The following CD247 variants were observed in gnomAD, a reference collection of about 807,000 sequenced individuals.
CD247 encodes the protein T-cell surface glycoprotein CD3 zeta chain.
CD247 carries 13 observed loss-of-function variants against 30.0 expected under a neutral mutation model. The ratio of observed to expected loss-of-function variants is 0.43; its 90% CI spans 0.28 to 0.69. The LOEUF is 0.69. Ranked by LOEUF, CD247 falls within the 30% of genes least tolerant of loss-of-function variation. The pLI, the probability that CD247 is intolerant of heterozygous loss-of-function variation, is 0.16. For synonymous variants in CD247, 72 were observed against 80.0 expected (o/e 0.90, Z 0.53); for missense variants, 193 against 212.6 (o/e 0.91, Z 0.57).
At chr1:167,466,406 A>G (rs1457702736) in intron 1 of CD247, among the ~76,000 whole-genome samples, 1 of 150,424 alleles carries the variant, frequency 6.6e-6, no homozygotes, top group African/African-American at 2.5e-5. Context: ...ACTGTACCAC[A>G]TTCGTCTTTT....
chr1:167,471,902 G>A (rs780950350), intron 1 of CD247, among the ~76,000 whole-genome samples: 69 of 139,354 alleles, frequency 5.0e-4, no homozygotes, highest in Non-Finnish European at 6.8e-4. Flanking sequence ...GTGCGATCTC[G>A]GCTCACTGCA....
intron 1 of CD247, among the ~76,000 whole-genome samples, chr1:167,495,568 C>G (rs745623959): frequency 5.9e-5 from 9 of 152,232 alleles, no homozygotes; most frequent in Non-Finnish European, 1.2e-4. Context: ...AATGATCCTG[C>G]CAAAACATAT....
rs1651505457 is a variant in CD247 at position 167,435,523 on chromosome 1, G to C, written c.301-89C>G. On this transcript the variant is annotated intron_variant, in intron 4 of 7. Coordinates refer to ENST00000362089, the MANE Select transcript of CD247 (RefSeq NM_198053.3). ...GCAAACCCCATCCTGCCCCCTGACT[G>C]CAGTTTCCTGGGGCTCTGCCGTCTG... is the stretch of plus-strand genomic sequence containing the variant. 4.7e-6 allele frequency: 5 copies of C among 1,059,386 alleles called. No individual in the cohort carries two copies. In the South Asian group the frequency reaches 6.4e-5, roughly 13 times the overall value. The allele number at this position is 1,059,386 out of a possible 1,614,324, so 65.6% of individuals were successfully genotyped here.
chr1:167,433,165 A>G, intron 6 of CD247, 106 bp from the exon 7 acceptor site: 1 of 1,125,948 alleles, frequency 8.9e-7, no homozygotes, highest in Admixed American at 1.7e-5. Context: ...GTCAGAGGTA[A>G]CTGTCTCCCA....
chr1:167,503,490 C>T (rs764253875), intron 1 of CD247, among the ~76,000 whole-genome samples: 16 of 152,200 alleles, frequency 1.1e-4, no homozygotes, highest in Non-Finnish European at 1.8e-4. Context: ...CCCCTGGGAA[C>T]GTGTAATGCA....
chr1:167,482,689 G>T (rs1217791318), intron 1 of CD247, among the ~76,000 whole-genome samples: 1 of 152,220 alleles, frequency 6.6e-6, no homozygotes, highest in Non-Finnish European at 1.5e-5. Flanking sequence ...GGACCATGGA[G>T]TGACCTTAAG....
chr1:167,442,904 T>C (rs988656877), intron 1 of CD247, among the ~76,000 whole-genome samples: 4 of 152,236 alleles, frequency 2.6e-5, no homozygotes, highest in African/African-American at 9.6e-5. Context: ...GTTAGGGCTC[T>C]GCCATAACCA....
intron 4 of CD247, among the ~76,000 whole-genome samples, 161 bp from the exon 5 acceptor site, chr1:167,435,595 G>T (rs971251829): frequency 2.0e-5 from 3 of 152,152 alleles, no homozygotes; most frequent in Admixed American, 2.0e-4. Context: ...GCCACTGTTG[G>T]GGCCCTCATG....
chr1:167,486,951 G>A lies in CD247; in HGVS notation c.58+31457C>T, dbSNP rs182550000. ...TAGCCAGGCGTGGTGGAGGGTGCCT[G>A]TAATCCCAGCTACTTGGGAGGCTGA... On this transcript the variant is annotated intron_variant, in intron 1 of 7. Transcript: ENST00000362089. 5.4e-3 allele frequency among the ~76,000 whole-genome samples: 824 copies of A among 151,582 alleles called. 6 individuals carry two copies. The highest frequency in any genetic ancestry group is 0.019 in the African/African-American group (798 of 41,270).
intron 1 of CD247, among the ~76,000 whole-genome samples, chr1:167,502,028 G>C (rs1170020877): frequency 6.6e-6 from 1 of 152,192 alleles, no homozygotes; most frequent in Non-Finnish European, 1.5e-5. Flanking sequence ...CTTCTGACAC[G>C]CATTTATTCC....
intron 1 of CD247, among the ~76,000 whole-genome samples, chr1:167,491,712 G>A (rs1422161281): frequency 2.6e-5 from 4 of 152,182 alleles, no homozygotes; most frequent in Admixed American, 6.5e-5. Context: ...AAAGGTGGAC[G>A]CAACCAAGCA....
At chr1:167,458,689 C>CTTTCTTTTTTTTTTTTTTTTTTT (rs1553231431) in intron 1 of CD247, 1 of 95,426 alleles carries the variant, frequency 1.0e-5, no homozygotes, top group Non-Finnish European at 2.0e-5. Context: ...TTCTTTCTTT[C>CTTTCTTTTTTTTTTTTTTTTTTT]TTTTTTTTTT....
At chr1:167,485,943 C>T (rs908081983) in intron 1 of CD247, among the ~76,000 whole-genome samples, 4 of 152,068 alleles carry the variant, frequency 2.6e-5, no homozygotes, top group Non-Finnish European at 4.4e-5. Context: ...TGAAAGAAAA[C>T]GACTGGAGGC....
chr1:167,438,686 A>G lies in CD247; in HGVS notation c.220-36T>C, dbSNP rs772263524. 2.6e-6 allele frequency: 4 copies of G among 1,537,018 alleles called. No individual in the cohort carries two copies. In the Admixed American group the frequency reaches 6.7e-5, roughly 26 times the overall value. On this transcript the variant is annotated intron_variant, in intron 3 of 7. Coordinates refer to ENST00000362089, the MANE Select transcript of CD247 (RefSeq NM_198053.3). ...TAAGAAAGTGTCAGACACAGGACGG[A>G]GGAACCTCAGAAGGATGGAGCCAGC... is the stretch of plus-strand genomic sequence containing the variant.
chr1:167,462,336 T>C (rs773525210), intron 1 of CD247, among the ~76,000 whole-genome samples: 1 of 152,176 alleles, frequency 6.6e-6, no homozygotes, highest in African/African-American at 2.4e-5. Context: ...GAGGCCTCTG[T>C]GGGCCACACA....
chr1:167,490,829 C>T (rs977810182), intron 1 of CD247, among the ~76,000 whole-genome samples: 1 of 151,796 alleles, frequency 6.6e-6, no homozygotes, highest in East Asian at 1.9e-4. Context: ...GCAGGAGAAT[C>T]GTTTGAACAT....
intron 3 of CD247, among the ~76,000 whole-genome samples, chr1:167,439,044 C>A (rs910700204): frequency 1.2e-4 from 19 of 152,196 alleles, no homozygotes. Context: ...TTCTCCACCC[C>A]CCTCTAGCCT....
At chr1:167,447,352 C>T (rs1262498677) in intron 1 of CD247, among the ~76,000 whole-genome samples, 1 of 152,162 alleles carries the variant, frequency 6.6e-6, no homozygotes, top group Non-Finnish European at 1.5e-5. Flanking sequence ...CTTCCCACCT[C>T]TTTCAGGAGT....
chr1:167,512,778 T>C (rs1655445223), intron 1 of CD247, among the ~76,000 whole-genome samples: 1 of 152,180 alleles, frequency 6.6e-6, no homozygotes, highest in Non-Finnish European at 1.5e-5. Context: ...ATTGCCGCCA[T>C]CTCACAGAGG....
Sources: allele counts gnomAD v4.1 joint callset (sites outside exome capture counted in the v4.1 genomes callset), GRCh38; gene constraint gnomAD v4.1.1; transcripts MANE v1.5; gene names NCBI Gene and HGNC (gene_info 2026-07-23, HGNC 2026-07-21).